COL21A1: variants seen among roughly 807,000 people sequenced by gnomAD.
The protein encoded by COL21A1 is collagen type XXI alpha 1 chain.
A neutral mutation model predicts 137.9 loss-of-function variants in COL21A1; 149 were observed. The ratio of observed to expected loss-of-function variants is 1.08; its 90% CI spans 0.95 to 1.24. The LOEUF (loss-of-function observed/expected upper bound fraction) is 1.24, where lower values mean the gene tolerates loss of function less well. COL21A1 is among the 50% of genes most tolerant of loss of function. The probability of loss-of-function intolerance (pLI) is 0.00; values close to 1 mark genes in which losing one functional copy is unlikely to be tolerated. For synonymous variants in COL21A1, 456 were observed against 391.5 expected (o/e 1.16, Z -1.95); for missense variants, 1,167 against 1,158.4 (o/e 1.01, Z -0.11).
intron 1 of COL21A1, among the ~76,000 whole-genome samples, chr6:56,345,439 T>C (rs138194515): frequency 1.3e-5 from 2 of 152,330 alleles, no homozygotes; most frequent in East Asian, 3.9e-4. Flanking sequence ...CTCCTTTTTA[T>C]AGATGAAGAA....
intron 1 of COL21A1, among the ~76,000 whole-genome samples, chr6:56,348,101 T>C (rs1765633938): frequency 6.6e-6 from 1 of 152,184 alleles, no homozygotes; most frequent in South Asian, 2.1e-4. Flanking sequence ...GAGAGGGCCC[T>C]CTTCATTCAT....
chr6:56,116,789 T>G (rs1407561726), intron 16 of COL21A1, among the ~76,000 whole-genome samples: 1 of 151,898 alleles, frequency 6.6e-6, no homozygotes, highest in Admixed American at 6.6e-5. Context: ...ATTGAAACAA[T>G]AAAAAGTTAA....
intron 1 of COL21A1, among the ~76,000 whole-genome samples, chr6:56,306,548 C>T (rs1396199984): frequency 2.6e-5 from 4 of 152,168 alleles, no homozygotes; most frequent in East Asian, 1.9e-4. Flanking sequence ...GTGCATTCAT[C>T]GTGTAGTTCT....
upstream of COL21A1, among the ~76,000 whole-genome samples, chr6:56,250,613 AT>A (rs1238558737): frequency 6.6e-6 from 1 of 152,138 alleles, no homozygotes; most frequent in African/African-American, 2.4e-5. Context: ...CAACACTTTG[AT>A]TTCAGCCCAC....
At chr6:56,392,193 T>A (rs1034569245) in intron 1 of COL21A1, among the ~76,000 whole-genome samples, 2 of 152,098 alleles carry the variant, frequency 1.3e-5, no homozygotes, top group African/African-American at 4.8e-5. Context: ...TAATTCAACA[T>A]ACACAAATCA....
chr6:56,134,293 C>T (rs1275339080), intron 12 of COL21A1, among the ~76,000 whole-genome samples: 2 of 152,208 alleles, frequency 1.3e-5, no homozygotes, highest in Non-Finnish European at 2.9e-5. Context: ...GATTTGACTG[C>T]ACCGCTGGAT....
At chr6:56,282,644 G>T (rs1032474122) in intron 1 of COL21A1, among the ~76,000 whole-genome samples, 4 of 152,186 alleles carry the variant, frequency 2.6e-5, no homozygotes, top group African/African-American at 9.7e-5. Context: ...TTGTTTGAGG[G>T]TTTTATTAAA....
intron 16 of COL21A1, among the ~76,000 whole-genome samples, chr6:56,115,098 C>A (rs1223606922): frequency 3.4e-5 from 5 of 148,904 alleles, no homozygotes; most frequent in African/African-American, 2.5e-5. Context: ...GGGAATTGAA[C>A]AATGAGATCA....
chr6:56,296,365 AAAC>A (rs991319902), intron 1 of COL21A1, among the ~76,000 whole-genome samples: 1 of 151,960 alleles, frequency 6.6e-6, no homozygotes, highest in African/African-American at 2.4e-5. Context: ...TATTTAAGCA[AAAC>A]AATTCTCCAA....
intron 1 of COL21A1, among the ~76,000 whole-genome samples, chr6:56,323,301 A>G (rs537503099): frequency 4.6e-5 from 7 of 152,272 alleles, no homozygotes; most frequent in African/African-American, 1.7e-4. Context: ...TGTTTTCTTG[A>G]AAAATCACTT....
chr6:56,156,860 G>A (rs372959484), intron 10 of COL21A1, 27 bp downstream of exon 10: 34 of 1,584,684 alleles, frequency 2.1e-5, no homozygotes, highest in African/African-American at 1.2e-4. Context: ...CAGATATACC[G>A]GAGATGACTA....
At chr6:56,241,014 T>G (rs548075453) in intron 1 of COL21A1, among the ~76,000 whole-genome samples, 204 of 152,304 alleles carry the variant, frequency 1.3e-3, no homozygotes, top group Non-Finnish European at 2.2e-3. Context: ...TTTTCAACCC[T>G]GCTCCCTCCC....
intron 16 of COL21A1, among the ~76,000 whole-genome samples, chr6:56,102,108 A>G (rs1421814527): frequency 1.3e-5 from 2 of 152,168 alleles, no homozygotes; most frequent in Non-Finnish European, 2.9e-5. Context: ...TGCTCAGGTT[A>G]AGCATCTTAT....
At chr6:56,058,234 T>C (rs537521836) in intron 29 of COL21A1, among the ~76,000 whole-genome samples, 13 of 152,348 alleles carry the variant, frequency 8.5e-5, no homozygotes, top group African/African-American at 3.1e-4. Context: ...GAGTCATTTT[T>C]GTGCCGTATT....
intron 16 of COL21A1, among the ~76,000 whole-genome samples, chr6:56,119,073 T>C (rs1489367741): frequency 6.6e-6 from 1 of 152,114 alleles, no homozygotes; most frequent in Non-Finnish European, 1.5e-5. Flanking sequence ...CTGGAAGTCC[T>C]AGCTAGAGAA....
intron 1 of COL21A1, among the ~76,000 whole-genome samples, chr6:56,211,999 TG>T (rs1780203858): frequency 6.6e-6 from 1 of 152,120 alleles, no homozygotes; most frequent in Non-Finnish European, 1.5e-5. Context: ...GAGAAAAAGG[TG>T]GTATCAACTC....
chr6:56,200,933 G>A (rs1204548268), intron 1 of COL21A1, among the ~76,000 whole-genome samples: 1 of 152,050 alleles, frequency 6.6e-6, no homozygotes, highest in Non-Finnish European at 1.5e-5. Context: ...GTGTAAAAGT[G>A]TTCCTATTTC....
At chr6:56,109,775 T>A (rs997270090) in intron 16 of COL21A1, among the ~76,000 whole-genome samples, 1 of 151,982 alleles carries the variant, frequency 6.6e-6, no homozygotes, top group African/African-American at 2.4e-5. Context: ...GCAAGTTAAA[T>A]GATATGGACA....
intron 1 of COL21A1, among the ~76,000 whole-genome samples, chr6:56,310,871 T>A (rs919062337): frequency 6.6e-6 from 1 of 152,050 alleles, no homozygotes; most frequent in African/African-American, 2.4e-5. Context: ...AATAGATACA[T>A]TGATAGATTT....
Sources: gnomAD v4.1 joint callset for allele counts (sites outside exome capture counted in the v4.1 genomes callset) on GRCh38, gnomAD v4.1.1 for gene constraint, MANE v1.5 for transcripts, NCBI Gene and HGNC (gene_info 2026-07-23, HGNC 2026-07-21) for gene names.